The following FLT3 variants were observed in gnomAD, a reference collection of about 807,000 sequenced individuals.
FLT3 encodes the protein fms related receptor tyrosine kinase 3.
Under a neutral mutation model 126.6 loss-of-function variants are expected in FLT3, and 46 were observed. That is an observed-to-expected ratio of 0.36 (90% CI 0.29 to 0.46). The LOEUF (loss-of-function observed/expected upper bound fraction) is 0.46, where lower values mean the gene tolerates loss of function less well. FLT3 is among the 20% of genes least tolerant of loss of function. The pLI is 1.00. For missense variants in FLT3, 1,069 were observed against 1,190.3 expected, an observed-to-expected ratio of 0.90 and a Z score of 1.50; for synonymous variants, 404 against 434.4, an observed-to-expected ratio of 0.93 and a Z score of 0.87.
chr13:28,070,372 G>T, intron 2 of FLT3, 119 bp downstream of exon 2: 1 of 763,598 alleles, frequency 1.3e-6, no homozygotes, highest in Non-Finnish European at 2.2e-6. Context: ...CAGATGTGAG[G>T]CCATAATATA....
chr13:28,035,768 G>A, intron 11 of FLT3, 95 bp from the exon 12 acceptor site: 12 of 1,346,496 alleles, frequency 8.9e-6, no homozygotes, highest in Non-Finnish European at 1.1e-5. Flanking sequence ...GATTCATCCA[G>A]TATAAGTTAT....
intron 3 of FLT3, among the ~76,000 whole-genome samples, chr13:28,058,356 T>C (rs1876224414): frequency 6.6e-6 from 1 of 150,736 alleles, no homozygotes; most frequent in South Asian, 2.1e-4. Flanking sequence ...CTACTAAAAA[T>C]ACAAAATTAG....
intron 15 of FLT3, among the ~76,000 whole-genome samples, chr13:28,028,734 T>C (rs1474984451): frequency 6.6e-6 from 1 of 151,548 alleles, no homozygotes; most frequent in Non-Finnish European, 1.5e-5. Flanking sequence ...AACAATATCC[T>C]GTGTTTTAAG....
chr13:28,074,046 G>A (rs1024736040), intron 1 of FLT3, among the ~76,000 whole-genome samples: 2 of 151,466 alleles, frequency 1.3e-5, no homozygotes, highest in African/African-American at 2.4e-5. Flanking sequence ...TTGATATCAC[G>A]CCCTGCTACC....
intron 3 of FLT3, 65 bp downstream of exon 3, chr13:28,061,802 C>T (rs911481377): frequency 3.0e-6 from 4 of 1,343,246 alleles, no homozygotes; most frequent in Admixed American, 3.6e-5. Flanking sequence ...TAAACATGAA[C>T]AGAAACTTGA....
At chr13:28,026,691 CT>C (rs1872833824) in intron 17 of FLT3, among the ~76,000 whole-genome samples, 1 of 152,204 alleles carries the variant, frequency 6.6e-6, no homozygotes, top group Non-Finnish European at 1.5e-5. Context: ...GTTCAGCGTT[CT>C]TTTGCGCAAT....
intron 1 of FLT3, among the ~76,000 whole-genome samples, chr13:28,091,012 T>C (rs1878995268): frequency 6.6e-6 from 1 of 151,904 alleles, no homozygotes; most frequent in Admixed American, 6.6e-5. Context: ...TTGACATTAA[T>C]CTAAAACTTT....
intron 20 of FLT3, among the ~76,000 whole-genome samples, chr13:28,016,513 C>T (rs533797878): frequency 6.6e-6 from 1 of 152,188 alleles, no homozygotes; most frequent in Non-Finnish European, 1.5e-5. Flanking sequence ...TCGTGATCCA[C>T]CCGCCTCAGC....
At chr13:28,067,423 A>G (rs1015721596) in intron 2 of FLT3, among the ~76,000 whole-genome samples, 3 of 152,170 alleles carry the variant, frequency 2.0e-5, no homozygotes, top group African/African-American at 7.2e-5. Flanking sequence ...ATAAATGCAC[A>G]GTACAGAGGC....
chr13:28,037,343 C>T, intron 9 of FLT3, 55 bp from the exon 10 acceptor site: 1 of 1,003,432 alleles, frequency 1.0e-6, no homozygotes. Flanking sequence ...GGAGATGCTG[C>T]AACTAATGAC....
At chr13:28,054,099 T>A (rs1875792591) in intron 4 of FLT3, among the ~76,000 whole-genome samples, 1 of 152,296 alleles carries the variant, frequency 6.6e-6, no homozygotes, top group East Asian at 1.9e-4. Flanking sequence ...CTTAATAACA[T>A]TCTTAAGAGT....
At chr13:28,052,938 T>C (rs569540324) in intron 4 of FLT3, among the ~76,000 whole-genome samples, 1 of 152,258 alleles carries the variant, frequency 6.6e-6, no homozygotes, top group East Asian at 1.9e-4. Context: ...AGTAGTCGAG[T>C]GAAGCCATGT....
intron 9 of FLT3, among the ~76,000 whole-genome samples, chr13:28,047,963 A>G (rs1242838006): frequency 2.6e-5 from 4 of 152,158 alleles, no homozygotes; most frequent in African/African-American, 9.7e-5. Context: ...AGTGTCCTAC[A>G]CACCGCACTC....
At position 28,023,461 on chromosome 13, in the gene FLT3, T is replaced by A; in HGVS notation, c.2307A>T (p.Glu769Asp). ...SFHSEDEIEY[E>D]NQKRLEEEED... Reference sequence around the variant, plus strand: ...CCTCTTCTTCCAGCCTTTTTTGGTTTTCATATTCAATTTCATCTGTAAAAT... The same window carrying A: ...CCTCTTCTTCCAGCCTTTTTTGGTTATCATATTCAATTTCATCTGTAAAAT... The change falls in exon 19 of 24, where the codon GAA becomes GAT. Residue 769 changes from glutamate to aspartate, a missense_variant. Physicochemically the swap from Glu to Asp is conservative, Grantham distance 45 (BLOSUM62 2). Coordinates refer to ENST00000241453, the MANE Select transcript of FLT3 (RefSeq NM_004119.3). The A allele has an allele frequency of 6.2e-7, 1 of 1,613,958 alleles. No individual in the cohort carries two copies. The highest frequency in any genetic ancestry group is 8.5e-7 in the Non-Finnish European group (1 of 1,179,966).
At chr13:28,031,571 C>A (rs1463854434) in intron 15 of FLT3, among the ~76,000 whole-genome samples, 3 of 152,146 alleles carry the variant, frequency 2.0e-5, no homozygotes, top group African/African-American at 7.2e-5. Flanking sequence ...GGAAAGCCTG[C>A]AGAGAGCTAA....
intron 18 of FLT3, among the ~76,000 whole-genome samples, chr13:28,023,759 G>C (rs1413834566): frequency 6.6e-6 from 1 of 151,986 alleles, no homozygotes; most frequent in Non-Finnish European, 1.5e-5. Flanking sequence ...GCACTAGGTA[G>C]GGCTGTCACA....
At chr13:28,069,691 C>T (rs1401615110) in intron 2 of FLT3, among the ~76,000 whole-genome samples, 2 of 152,050 alleles carry the variant, frequency 1.3e-5, no homozygotes, top group African/African-American at 4.8e-5. Context: ...GAACATGTAC[C>T]GACTTTTTTC....
At chr13:28,082,971 G>T (rs771781289) in intron 1 of FLT3, among the ~76,000 whole-genome samples, 1 of 151,118 alleles carries the variant, frequency 6.6e-6, no homozygotes, top group Non-Finnish European at 1.5e-5. Context: ...CTCCCAAAGT[G>T]CTGGGATTAC....
intron 1 of FLT3, among the ~76,000 whole-genome samples, chr13:28,078,799 C>T (rs996969566): frequency 7.9e-5 from 12 of 151,954 alleles, no homozygotes; most frequent in South Asian, 4.2e-4. Context: ...CCACAACCTC[C>T]GCCTCCCAGG....
Sources: allele counts gnomAD v4.1 joint callset (sites outside exome capture counted in the v4.1 genomes callset), GRCh38; gene constraint gnomAD v4.1.1; transcripts MANE v1.5; gene names NCBI Gene and HGNC (gene_info 2026-07-23, HGNC 2026-07-21).